The following TSPAN18 variants were observed in gnomAD, a reference collection of about 807,000 sequenced individuals.
TSPAN18 encodes the protein tetraspanin-18.
A neutral mutation model predicts 27.3 loss-of-function variants in TSPAN18; 14 were observed. The ratio of observed to expected loss-of-function variants is 0.51; its 90% CI spans 0.34 to 0.80. The LOEUF (loss-of-function observed/expected upper bound fraction) is 0.80. Among genes scored for constraint, TSPAN18 ranks in the 30% least tolerant of loss-of-function variants. The probability of loss-of-function intolerance (pLI) is 0.01; values close to 1 mark genes in which losing one functional copy is unlikely to be tolerated. For synonymous variants in TSPAN18, 143 were observed against 136.5 expected (o/e 1.05, Z -0.33); for missense variants, 268 against 323.9 (o/e 0.83, Z 1.32).
chr11:44,804,822 G>C (rs1856557693), intron 2 of TSPAN18, among the ~76,000 whole-genome samples: 1 of 152,098 alleles, frequency 6.6e-6, no homozygotes, highest in African/African-American at 2.4e-5. Context: ...GGGGAGAGAA[G>C]AAGAAGGAGA....
intron 2 of TSPAN18, among the ~76,000 whole-genome samples, chr11:44,806,502 T>TG (rs542335263): frequency 1.2e-3 from 186 of 152,314 alleles, no homozygotes; most frequent in African/African-American, 4.4e-3. Context: ...CAGCTCAACT[T>TG]GCACTAGATC....
At chr11:44,777,534 A>G (rs1855840646) in intron 2 of TSPAN18, among the ~76,000 whole-genome samples, 1 of 152,272 alleles carries the variant, frequency 6.6e-6, no homozygotes, top group East Asian at 1.9e-4. Context: ...TAGTCACCCT[A>G]TTATTTTAGG....
chr11:44,760,677 A>C (rs114951307), intron 1 of TSPAN18, among the ~76,000 whole-genome samples: 1,669 of 152,300 alleles, frequency 0.011, 23 homozygotes, highest in African/African-American at 0.038. Flanking sequence ...GTTTGGAAGA[A>C]AGAAGAGGAG....
chr11:44,735,291 G>A (rs1854764978), intron 1 of TSPAN18, among the ~76,000 whole-genome samples: 1 of 152,218 alleles, frequency 6.6e-6, no homozygotes, highest in South Asian at 2.1e-4. Context: ...CAGCTCCATA[G>A]CCCTTTGAGG....
At chr11:44,857,758 C>T (rs1456320411) in intron 2 of TSPAN18, among the ~76,000 whole-genome samples, 1 of 152,196 alleles carries the variant, frequency 6.6e-6, no homozygotes, top group East Asian at 1.9e-4. Context: ...ACTGGCACTT[C>T]TGGGCCTGGA....
intron 8 of TSPAN18, among the ~76,000 whole-genome samples, chr11:44,923,619 G>T (rs190406093): frequency 6.6e-6 from 1 of 152,196 alleles, no homozygotes; most frequent in Non-Finnish European, 1.5e-5. Flanking sequence ...AATCCTCAGT[G>T]TAAATCCTGG....
chr11:44,785,476 T>C (rs967000358), intron 2 of TSPAN18, among the ~76,000 whole-genome samples: 3 of 151,882 alleles, frequency 2.0e-5, no homozygotes, highest in Non-Finnish European at 4.4e-5. Flanking sequence ...GAGGTGTTTT[T>C]CCCCCCTCGT....
rs765030266 is a variant in TSPAN18 at position 44,760,149 on chromosome 11, A to G, written c.-239-4277A>G. Reference sequence around the variant, plus strand: ...GGCCTGGAAAGGAATTGGGGATCAGATGATAAAAGGCCTTGTGTCTAGACA... The same window carrying G: ...GGCCTGGAAAGGAATTGGGGATCAGGTGATAAAAGGCCTTGTGTCTAGACA... On this transcript the variant is annotated intron_variant, in intron 1 of 9. Coordinates refer to ENST00000520358, the MANE Select transcript of TSPAN18 (RefSeq NM_130783.5). 2.0e-5 allele frequency among the ~76,000 whole-genome samples: 3 copies of G among 152,220 alleles called. No homozygotes were observed. In the East Asian group the frequency reaches 5.8e-4, roughly 29 times the overall value.
chr11:44,746,959 G>A (rs529593535), intron 1 of TSPAN18, among the ~76,000 whole-genome samples: 1 of 152,322 alleles, frequency 6.6e-6, no homozygotes, highest in South Asian at 2.1e-4. Context: ...CTCATGTCAG[G>A]GTGAGATGTG....
intron 3 of TSPAN18, among the ~76,000 whole-genome samples, chr11:44,882,130 G>T (rs1046036054): frequency 6.6e-6 from 1 of 152,080 alleles, no homozygotes; most frequent in African/African-American, 2.4e-5. Flanking sequence ...CTTGCCCAAG[G>T]TCACACAGCA....
At chr11:44,826,569 T>G (rs1184714142) in intron 2 of TSPAN18, among the ~76,000 whole-genome samples, 1 of 152,238 alleles carries the variant, frequency 6.6e-6, no homozygotes, top group Non-Finnish European at 1.5e-5. Flanking sequence ...TCTCAGGGTT[T>G]TACCTGGCTC....
rs534770128 is a variant in TSPAN18 at position 44,904,862 on chromosome 11, C to T, written c.-10-1545C>T. ...CTGAGGCCTATTATGTGCCATGGGC[C>T]TTGTCAGTGCTTCCTACAAGCTGTG... On this transcript the variant is annotated intron_variant, in intron 3 of 9. Transcript: ENST00000520358. Among the ~76,000 whole-genome samples, 113 of 152,300 alleles carry T rather than the reference C, an allele frequency of 7.4e-4. No homozygotes were observed. The South Asian group carries it at 0.014, about 19-fold the overall frequency.
chr11:44,765,318 T>C (rs1855543158), intron 2 of TSPAN18, among the ~76,000 whole-genome samples: 1 of 152,154 alleles, frequency 6.6e-6, no homozygotes, highest in African/African-American at 2.4e-5. Context: ...TGGGAGGTTG[T>C]GGAAGGCCAT....
chr11:44,779,978 T>G (rs1214225420), intron 2 of TSPAN18, among the ~76,000 whole-genome samples: 3 of 152,226 alleles, frequency 2.0e-5, no homozygotes, highest in Non-Finnish European at 4.4e-5. Context: ...TGTCTGCCTT[T>G]GCACATACCT....
chr11:44,775,660 G>A (rs1186805611), intron 2 of TSPAN18, among the ~76,000 whole-genome samples: 1 of 152,130 alleles, frequency 6.6e-6, no homozygotes, highest in African/African-American at 2.4e-5. Context: ...TCCAGCGTCC[G>A]CCAGCATCTT....
intron 3 of TSPAN18, among the ~76,000 whole-genome samples, chr11:44,898,820 C>A (rs1859156257): frequency 6.6e-6 from 1 of 152,216 alleles, no homozygotes; most frequent in Admixed American, 6.5e-5. Context: ...CTTAAAGGCC[C>A]CACCTCTTCA....
chr11:44,919,363 T>C, intron 7 of TSPAN18, 51 bp downstream of exon 7: 1 of 1,474,794 alleles, frequency 6.8e-7, no homozygotes, highest in Non-Finnish European at 9.5e-7. Flanking sequence ...CGATGCCCAG[T>C]GTTCACATGC....
At chr11:44,787,149 C>T (rs1856077666) in intron 2 of TSPAN18, among the ~76,000 whole-genome samples, 1 of 152,182 alleles carries the variant, frequency 6.6e-6, no homozygotes, top group Non-Finnish European at 1.5e-5. Flanking sequence ...AAAATTTCAA[C>T]TCTTGAAAAA....
intron 1 of TSPAN18, among the ~76,000 whole-genome samples, chr11:44,745,883 C>T (rs1003359050): frequency 5.9e-5 from 9 of 152,212 alleles, no homozygotes; most frequent in South Asian, 2.1e-4. Flanking sequence ...AAAAATTAGC[C>T]GGGCGTGGTT....
Sources: allele counts gnomAD v4.1 joint callset (sites outside exome capture counted in the v4.1 genomes callset), GRCh38; gene constraint gnomAD v4.1.1; transcripts MANE v1.5; gene names NCBI Gene and HGNC (gene_info 2026-07-23, HGNC 2026-07-21).